Variants in ELF1 observed in about 807,000 individuals in gnomAD.
ELF1 encodes E74 like ETS transcription factor 1.
A neutral mutation model predicts 59.9 loss-of-function variants in ELF1; 24 were observed. The ratio of observed to expected loss-of-function variants is 0.40; its 90% CI spans 0.29 to 0.56. The LOEUF (loss-of-function observed/expected upper bound fraction) is 0.56. Ranked by LOEUF, ELF1 falls within the 20% of genes least tolerant of loss-of-function variation. ELF1 has a pLI of 0.44. For synonymous variants in ELF1, 248 were observed against 266.2 expected, an observed-to-expected ratio of 0.93 and a Z score of 0.67; for missense variants, 627 against 742.2, an observed-to-expected ratio of 0.84 and a Z score of 1.80.
At chr13:40,979,366 T>C (rs570737048) in intron 2 of ELF1, among the ~76,000 whole-genome samples, 1 of 152,318 alleles carries the variant, frequency 6.6e-6, no homozygotes, top group African/African-American at 2.4e-5. Flanking sequence ...CATCCCCATT[T>C]TGCAGATGAG....
At chr13:41,051,175 G>A (rs1424902597) in intron 1 of ELF1, among the ~76,000 whole-genome samples, 1 of 151,950 alleles carries the variant, frequency 6.6e-6, no homozygotes, top group East Asian at 1.9e-4. Flanking sequence ...CACTTTAAGG[G>A]ACAGTAATAT....
At chr13:41,016,088 A>G (rs1392441550) in intron 1 of ELF1, among the ~76,000 whole-genome samples, 4 of 152,180 alleles carry the variant, frequency 2.6e-5, no homozygotes, top group African/African-American at 7.2e-5. Flanking sequence ...ATCTCTAGGC[A>G]ATCTGAATCT....
rs200526934 is a variant in ELF1, at chr13:41,000,371, G to A, written c.-228-18089C>T. Among the ~76,000 whole-genome samples the A allele has an allele frequency of 4.8e-5, 7 of 145,338 alleles. No individual in the cohort carries two copies. The East Asian group carries it at 8.5e-4, about 18-fold the overall frequency. On this transcript the variant is annotated intron_variant, in intron 1 of 8. Coordinates refer to ENST00000239882, the MANE Select transcript of ELF1 (RefSeq NM_172373.4). ...CTGGAGTAGCTGGAACTACAGGCACGCCACCACACCGGGCTAATTTTTGTA... is the reference window on the plus strand; with the variant it reads ...CTGGAGTAGCTGGAACTACAGGCACACCACCACACCGGGCTAATTTTTGTA...
intron 1 of ELF1, among the ~76,000 whole-genome samples, chr13:41,012,994 T>C (rs1189646407): frequency 6.6e-6 from 1 of 152,174 alleles, no homozygotes; most frequent in Non-Finnish European, 1.5e-5. Flanking sequence ...TTATTCAAAA[T>C]TATGTTTGAA....
intron 3 of ELF1, among the ~76,000 whole-genome samples, chr13:40,955,051 T>C (rs1399712961): frequency 6.7e-6 from 1 of 149,092 alleles, no homozygotes; most frequent in East Asian, 2.0e-4. Flanking sequence ...GGAGCGCCTC[T>C]GCCCTGCCGC....
chr13:40,933,165 A>G lies in ELF1; in HGVS notation c.*260T>C, dbSNP rs1295276472. The G allele has an allele frequency of 2.5e-6, 1 of 399,148 alleles. No individual in the cohort carries two copies. Among genetic ancestry groups the G allele is most frequent in the Non-Finnish European group, 4.4e-6 (1 of 227,064 alleles). The allele number at this position is 399,148 out of a possible 1,614,324, so 24.7% of individuals were successfully genotyped here. A position where few individuals can be genotyped will look rare whatever the true frequency, so the allele number is the denominator to read the frequency against. On this transcript the variant is annotated 3_prime_UTR_variant, in exon 9 of 9. Transcript: ENST00000239882. ...GAAACTTTAAAAATGCTTATGATAT[A>G]GCAACTGAAATAAAAATCTCAAAAG...
chr13:41,058,997 A>G (rs1282387037), intron 1 of ELF1, among the ~76,000 whole-genome samples: 1 of 152,144 alleles, frequency 6.6e-6, no homozygotes, highest in Non-Finnish European at 1.5e-5. Context: ...AGAAAAAGTC[A>G]AAAGTTAAGC....
At chr13:40,986,937 C>CTCTCT (rs552477115) in intron 1 of ELF1, among the ~76,000 whole-genome samples, 3 of 126,880 alleles carry the variant, frequency 2.4e-5, no homozygotes, top group Middle Eastern at 4.2e-3. Context: ...AATCATTGCT[C>CTCTCT]TTTTTTTTTT....
intron 2 of ELF1, among the ~76,000 whole-genome samples, chr13:40,975,329 G>A (rs1384252081): frequency 1.3e-5 from 2 of 151,898 alleles, no homozygotes; most frequent in African/African-American, 4.8e-5. Flanking sequence ...TTACATACAG[G>A]AAATAGCATA....
chr13:41,058,421 C>G (rs1394881292), intron 1 of ELF1, among the ~76,000 whole-genome samples: 1 of 152,192 alleles, frequency 6.6e-6, no homozygotes, highest in African/African-American at 2.4e-5. Flanking sequence ...TTCTCCAGTC[C>G]TCTCCCTTGA....
At chr13:40,942,763 C>G (rs888586141) in intron 7 of ELF1, among the ~76,000 whole-genome samples, 189 bp downstream of exon 7, 5 of 152,170 alleles carry the variant, frequency 3.3e-5, no homozygotes, top group Admixed American at 6.5e-5. Context: ...CTCAAGCAAT[C>G]CACCGGCCTC....
chr13:41,045,429 T>C (rs576830685), intron 1 of ELF1, among the ~76,000 whole-genome samples: 2 of 152,230 alleles, frequency 1.3e-5, no homozygotes, highest in Non-Finnish European at 2.9e-5. Flanking sequence ...GGGCATTTAG[T>C]ACCACAAATT....
In ELF1 at chr13:40,933,818, T is replaced by C. The variant is rs1287367657; in HGVS notation, c.1467A>G (p.Gln489=). The C allele has an allele frequency of 1.2e-6, 2 of 1,614,252 alleles. No homozygotes were observed. Among genetic ancestry groups the C allele is most frequent in the East Asian group, 2.2e-5 (1 of 44,890 alleles). Residue 489 remains glutamine, a synonymous_variant, in exon 9 of 9, where the codon CAA becomes CAG. Transcript: ENST00000239882. ...VLKENVMLQS[Q]KAGSPPSIVL... ...CAATTGAAGGAGGAGAGCCCGCCTT[T>C]TGTGACTGCAGCATGACATTTTCTT...
At position 41,054,736 on chromosome 13, in the gene ELF1, G is replaced by C. The variant is rs115617896; in HGVS notation, c.-229+6102C>G. 9.5e-3 allele frequency among the ~76,000 whole-genome samples: 1,448 copies of C among 152,272 alleles called. 28 individuals carry two copies. Among genetic ancestry groups the C allele is most frequent in the African/African-American group, 0.033 (1,371 of 41,532 alleles). On this transcript the variant is annotated intron_variant, in intron 1 of 1. Coordinates refer to the ELF1 transcript ENST00000405737. ...TATTATTGGACTGCGGGAAGTCCTT[G>C]ACCTTTGTCAAGGCCTAATGGAGTG... is the stretch of plus-strand genomic sequence containing the variant.
intron 2 of ELF1, among the ~76,000 whole-genome samples, chr13:40,980,376 ATAACT>A (rs1293673007): frequency 2.6e-5 from 4 of 152,176 alleles, no homozygotes; most frequent in Non-Finnish European, 5.9e-5. Flanking sequence ...ACAAAAACAA[ATAACT>A]TAAGAAAATA....
intron 5 of ELF1, among the ~76,000 whole-genome samples, chr13:40,945,275 C>A (rs1343018741): frequency 3.3e-5 from 5 of 152,204 alleles, no homozygotes; most frequent in Non-Finnish European, 1.5e-5. Flanking sequence ...CAGTATCCAT[C>A]CTCTCCAACA....
At position 41,051,905 on chromosome 13, in the gene ELF1, T is replaced by C. The variant is rs575299631; in HGVS notation, c.-229+8933A>G. Among the ~76,000 whole-genome samples, 8 of 152,000 alleles carry C rather than the reference T, an allele frequency of 5.3e-5. No homozygotes were observed. The East Asian group carries it at 1.5e-3, about 29-fold the overall frequency. On this transcript the variant is annotated intron_variant, in intron 1 of 1. Transcript: ENST00000405737. ...TTTTCAAAGTTCAAGTCGTCTATAT[T>C]AGAATCACTTTTCTTTCTTTCTTTT...
At chr13:41,011,823 G>A (rs1178061829) in intron 1 of ELF1, among the ~76,000 whole-genome samples, 1 of 151,810 alleles carries the variant, frequency 6.6e-6, no homozygotes, top group Non-Finnish European at 1.5e-5. Flanking sequence ...AAACTCCTGG[G>A]GTCATGCATT....
chr13:41,056,286 C>T (rs78210798), intron 1 of ELF1, among the ~76,000 whole-genome samples: 4,294 of 152,262 alleles, frequency 0.028, 194 homozygotes, highest in East Asian at 0.2. Context: ...TGCCTGACTC[C>T]TTAGTGTAAT....
Sources: allele counts gnomAD v4.1 joint callset (sites outside exome capture counted in the v4.1 genomes callset), GRCh38; gene constraint gnomAD v4.1.1; transcripts MANE v1.5; gene names NCBI Gene and HGNC (gene_info 2026-07-23, HGNC 2026-07-21).